PYM1: variants seen among roughly 807,000 people sequenced by gnomAD.
PYM1 encodes the protein PYM1 exon junction complex associated factor.
A neutral mutation model predicts 20.7 loss-of-function variants in PYM1; 7 were observed. That is an observed-to-expected ratio of 0.34 (90% CI 0.19 to 0.64). The LOEUF (loss-of-function observed/expected upper bound fraction) is 0.64. Among genes scored for constraint, PYM1 ranks in the 30% least tolerant of loss-of-function variants. The pLI is 0.74. For missense variants in PYM1, 194 were observed against 250.0 expected (o/e 0.78, Z 1.51); for synonymous variants, 100 against 99.2 (o/e 1.01, Z -0.05).
intron 1 of PYM1, among the ~76,000 whole-genome samples, chr12:55,909,301 G>A (rs571326319): frequency 3.3e-5 from 5 of 152,166 alleles, no homozygotes; most frequent in African/African-American, 1.2e-4. Flanking sequence ...GAAACAGTTC[G>A]TTCTCAAACA....
At chr12:55,911,839 C>G (rs1036042957) in intron 1 of PYM1, among the ~76,000 whole-genome samples, 1 of 143,022 alleles carries the variant, frequency 7.0e-6, no homozygotes, top group South Asian at 2.3e-4. Context: ...GAAACTCCAT[C>G]AAGAAAAGAG....
At chr12:55,909,623 G>A (rs1263704916) in intron 1 of PYM1, among the ~76,000 whole-genome samples, 1 of 151,688 alleles carries the variant, frequency 6.6e-6, no homozygotes, top group Non-Finnish European at 1.5e-5. Context: ...AACTAGTTAG[G>A]GAAAAAATAT....
chr12:55,926,845 G>T (rs766155844), intron 1 of PYM1, among the ~76,000 whole-genome samples: 2 of 152,158 alleles, frequency 1.3e-5, no homozygotes, highest in African/African-American at 4.8e-5. Context: ...CCTGAAGCAG[G>T]GACCAGCACT....
chr12:55,914,641 G>C (rs1419173285), intron 1 of PYM1, among the ~76,000 whole-genome samples: 1 of 152,144 alleles, frequency 6.6e-6, no homozygotes. Context: ...TAGGGGACAT[G>C]GTTGTTAAAG....
In PYM1 at chr12:55,922,923, C is replaced by CA. The variant is rs879488070; in HGVS notation, c.37+4801dup. 5.0e-3 allele frequency among the ~76,000 whole-genome samples: 759 copies of CA among 151,248 alleles called. 5 individuals are homozygous for CA. The highest frequency in any genetic ancestry group is 4.2e-3 in the Non-Finnish European group (287 of 67,722). On this transcript the variant is annotated intron_variant, in intron 1 of 2. Transcript: ENST00000408946. ...TACCCTGGATAAGATCCTGGAACAA[C>CA]AAAAAAAAATTAGGTAAAAAGGCTG...
chr12:55,916,351 T>C (rs1378012909), intron 1 of PYM1, among the ~76,000 whole-genome samples: 1 of 150,642 alleles, frequency 6.6e-6, no homozygotes. Context: ...AAAAAAGACA[T>C]GGTCAAGATC....
At chr12:55,927,653 C>A in intron 1 of PYM1, 72 bp downstream of exon 1, 1 of 1,522,542 alleles carries the variant, frequency 6.6e-7, no homozygotes. Context: ...CGATTGCTGT[C>A]GGCCAACCCA....
chr12:55,920,246 T>C (rs1371998320), intron 1 of PYM1, among the ~76,000 whole-genome samples: 2 of 151,912 alleles, frequency 1.3e-5, no homozygotes, highest in African/African-American at 2.4e-5. Flanking sequence ...CTCATGCCTA[T>C]AATCCCAACA....
chr12:55,927,152 C>T, intron 1 of PYM1: 1 of 1,550,800 alleles, frequency 6.4e-7, no homozygotes, highest in Non-Finnish European at 8.7e-7. Context: ...GGCTGGGGTC[C>T]CGCCCCCCTC....
At chr12:55,906,364 C>T (rs750691305) in intron 1 of PYM1, among the ~76,000 whole-genome samples, 1 of 151,962 alleles carries the variant, frequency 6.6e-6, no homozygotes, top group Non-Finnish European at 1.5e-5. Flanking sequence ...TTAGGTGAAA[C>T]TGGCATTTAC....
chr12:55,912,735 C>T (rs781344093), intron 1 of PYM1, among the ~76,000 whole-genome samples: 5 of 151,886 alleles, frequency 3.3e-5, no homozygotes, highest in Middle Eastern at 3.2e-3. Flanking sequence ...GAGGCGGAGG[C>T]GGGTGGATCA....
intron 1 of PYM1, among the ~76,000 whole-genome samples, chr12:55,922,820 A>G (rs919272808): frequency 6.6e-6 from 1 of 152,200 alleles, no homozygotes; most frequent in African/African-American, 2.4e-5. Context: ...ACTCAAGGTC[A>G]TGGAAAACAA....
chr12:55,922,769 AG>A (rs1883121715), intron 1 of PYM1, among the ~76,000 whole-genome samples: 1 of 152,222 alleles, frequency 6.6e-6, no homozygotes, highest in Admixed American at 6.6e-5. Flanking sequence ...AAATTCCAAT[AG>A]AAGGATATCC....
At chr12:55,920,204 TAA>T (rs970381560) in intron 1 of PYM1, among the ~76,000 whole-genome samples, 1 of 141,632 alleles carries the variant, frequency 7.1e-6, no homozygotes. Context: ...CTTGTCTCTT[TAA>T]AAAAAAAAAA....
At chr12:55,927,420 C>T (rs1382417458) in intron 1 of PYM1, 2 of 708,660 alleles carry the variant, frequency 2.8e-6, no homozygotes, top group Non-Finnish European at 5.1e-6. Flanking sequence ...ACGTCCAGGA[C>T]CTGCGAGGGA....
chr12:55,905,930 TC>T, intron 1 of PYM1, among the ~76,000 whole-genome samples: 1 of 118,222 alleles, frequency 8.5e-6, no homozygotes. Context: ...ATTATATATA[TC>T]TAATAGATAT....
intron 1 of PYM1, among the ~76,000 whole-genome samples, chr12:55,904,474 T>C (rs1289454088): frequency 6.7e-6 from 1 of 150,062 alleles, no homozygotes; most frequent in Non-Finnish European, 1.5e-5. Context: ...AGAGCGCCTG[T>C]AGTCCCAGCT....
chr12:55,919,824 T>C (rs757202288), intron 1 of PYM1, among the ~76,000 whole-genome samples: 1 of 151,644 alleles, frequency 6.6e-6, no homozygotes, highest in Non-Finnish European at 1.5e-5. Flanking sequence ...TTGAGCCCAG[T>C]TGGCAGAGCA....
At position 55,901,708 on chromosome 12, in the gene PYM1, G is replaced by T; in HGVS notation, c.*164C>A. Reference sequence around the variant, plus strand: ...AGTAGAAGTTGGGAAGAAAAGGGAAGGATTGAGGGAGACGCTAGGCTCTGG... The same window carrying T: ...AGTAGAAGTTGGGAAGAAAAGGGAATGATTGAGGGAGACGCTAGGCTCTGG... On this transcript the variant is annotated 3_prime_UTR_variant, in exon 3 of 3. Transcript: ENST00000408946. The T allele has an allele frequency of 1.0e-6, 1 of 999,704 alleles. No individual in the cohort carries two copies. The highest frequency in any genetic ancestry group is 1.4e-6 in the Non-Finnish European group (1 of 694,026). 61.9% of individuals were successfully genotyped at this position (999,704 alleles called of 1,614,324 possible).
Sources: gnomAD v4.1 joint callset for allele counts (sites outside exome capture counted in the v4.1 genomes callset) on GRCh38, gnomAD v4.1.1 for gene constraint, MANE v1.5 for transcripts, NCBI Gene and HGNC (gene_info 2026-07-23, HGNC 2026-07-21) for gene names.